Variants in INO80 observed in about 807,000 individuals in gnomAD.
INO80 encodes the protein INO80 complex ATPase subunit, also known as chromatin-remodeling ATPase INO80.
In INO80, 20 loss-of-function variants were observed where a neutral mutation model predicts 203.4. That is an observed-to-expected ratio of 0.10 (90% confidence interval 0.07 to 0.14). INO80 has a LOEUF of 0.14. Ranked by LOEUF, INO80 falls within the 10% of genes least tolerant of loss-of-function variation. INO80 has a pLI of 1.00. For synonymous variants in INO80, 726 were observed against 685.2 expected, an observed-to-expected ratio of 1.06 and a Z score of -0.93; for missense variants, 1,419 against 1,914.4, an observed-to-expected ratio of 0.74 and a Z score of 4.83.
intron 1 of INO80, among the ~76,000 whole-genome samples, chr15:41,098,819 A>G (rs961811155): frequency 6.6e-6 from 1 of 152,186 alleles, no homozygotes; most frequent in Non-Finnish European, 1.5e-5. Flanking sequence ...AAATAACCCA[A>G]TTTAAAAATG....
chr15:41,052,857 C>A (rs1019168905), intron 19 of INO80, among the ~76,000 whole-genome samples: 895 of 92,942 alleles, frequency 9.6e-3, no homozygotes, highest in East Asian at 0.011. Flanking sequence ...CTGGTCGCTA[C>A]AAAAAAAAAA....
At chr15:41,056,540 G>A (rs535601452) in intron 17 of INO80, 82 bp downstream of exon 17, 2 of 1,104,740 alleles carry the variant, frequency 1.8e-6, no homozygotes, top group East Asian at 2.4e-5. Flanking sequence ...GCACTGCAAG[G>A]GAATGGGTAA....
At chr15:41,089,556 G>A (rs766435074) in intron 5 of INO80, among the ~76,000 whole-genome samples, 2 of 151,934 alleles carry the variant, frequency 1.3e-5, no homozygotes, top group African/African-American at 4.8e-5. Context: ...CAAGCCTGAC[G>A]AACATTGAAA....
At chr15:41,045,405 A>G (rs1406630607) in intron 23 of INO80, among the ~76,000 whole-genome samples, 1 of 152,000 alleles carries the variant, frequency 6.6e-6, no homozygotes, top group Non-Finnish European at 1.5e-5. Context: ...GCTGACCTAG[A>G]TGGCAAAATA....
chr15:41,094,859 C>T (rs774833818), intron 4 of INO80, among the ~76,000 whole-genome samples: 19 of 152,056 alleles, frequency 1.2e-4, no homozygotes, highest in Admixed American at 3.3e-4. Context: ...TGACCTCACG[C>T]GACAGGTCAC....
intron 26 of INO80, chr15:41,018,442 A>G (rs1360814986): frequency 2.0e-5 from 3 of 152,224 alleles, no homozygotes; most frequent in Non-Finnish European, 4.4e-5. Context: ...GAACTCTAAC[A>G]TGACTAAAGG....
intron 7 of INO80, among the ~76,000 whole-genome samples, chr15:41,085,025 C>A (rs146209791): frequency 3.7e-4 from 57 of 152,374 alleles, no homozygotes; most frequent in African/African-American, 1.4e-3. Context: ...GTGTGACCTG[C>A]CATGCCTGGC....
chr15:41,097,393 C>A (rs979439334), intron 1 of INO80, among the ~76,000 whole-genome samples: 12 of 152,256 alleles, frequency 7.9e-5, no homozygotes, highest in South Asian at 4.1e-4. Context: ...ACCTGGTTAT[C>A]TCTAAATACT....
intron 1 of INO80, chr15:41,109,237 T>G (rs1436267281): frequency 1.3e-5 from 2 of 151,690 alleles, no homozygotes; most frequent in Non-Finnish European, 2.9e-5. Flanking sequence ...GCGGATCACT[T>G]GAGGTCAAGA....
intron 26 of INO80, chr15:41,018,347 T>A (rs905465102): frequency 2.6e-5 from 4 of 152,238 alleles, no homozygotes; most frequent in African/African-American, 9.6e-5. Flanking sequence ...GCCTCCCACA[T>A]CTACTTTACT....
Position 41,080,880 on chromosome 15 carries a change from G to C in INO80, c.927+140C>G, listed in dbSNP as rs999444972. 1.2e-5 allele frequency: 8 copies of C among 661,202 alleles called. No homozygotes were observed. In the Admixed American group the frequency reaches 1.3e-4, roughly 11 times the overall value. The allele number at this position is 661,202 out of a possible 1,614,324, so 41.0% of individuals were successfully genotyped here. A position where few individuals can be genotyped will look rare whatever the true frequency, so the allele number is the denominator to read the frequency against. On this transcript the variant is annotated intron_variant, in intron 8 of 35. Coordinates refer to ENST00000648947, the MANE Select transcript of INO80 (RefSeq NM_017553.3). ...TAAAAATAAAAAATAAACAGCTTGA[G>C]AACATTCAGAAACTCTCTTACGAAC...
chr15:41,066,814 G>A (rs190928269), intron 14 of INO80, among the ~76,000 whole-genome samples: 14 of 100,864 alleles, frequency 1.4e-4, no homozygotes, highest in African/African-American at 5.1e-4. Context: ...GGAGACAGAA[G>A]GAGAAAATGT....
chr15:41,113,711 C>T (rs191435835), intron 1 of INO80, among the ~76,000 whole-genome samples: 2 of 152,186 alleles, frequency 1.3e-5, no homozygotes, highest in Non-Finnish European at 2.9e-5. Context: ...GATCCTCTTG[C>T]CTCCTGAGTA....
At chr15:40,997,981 T>TATAAC (rs2043902200) in intron 28 of INO80, among the ~76,000 whole-genome samples, 1 of 149,802 alleles carries the variant, frequency 6.7e-6, no homozygotes. Flanking sequence ...TGACTTATAA[T>TATAAC]AGTCTGGGGA....
intron 1 of INO80, among the ~76,000 whole-genome samples, chr15:41,114,810 CAT>C (rs1268125533): frequency 3.3e-5 from 5 of 151,294 alleles, no homozygotes; most frequent in South Asian, 2.1e-4. Context: ...AAGAAAGATA[CAT>C]ATGTTTCTTT....
chr15:41,039,190 C>T (rs1417089805), intron 24 of INO80, among the ~76,000 whole-genome samples: 1 of 152,224 alleles, frequency 6.6e-6, no homozygotes, highest in African/African-American at 2.4e-5. Flanking sequence ...GTTGCCCAGG[C>T]TGGTCTTGCC....
chr15:41,116,039 A>G lies in INO80; in HGVS notation c.-110T>C. 2.6e-6 allele frequency: 1 copy of G among 390,480 alleles called. No individual in the cohort carries two copies. The highest frequency in any genetic ancestry group is 4.5e-6 in the Non-Finnish European group (1 of 221,692). 24.2% of individuals were successfully genotyped at this position (390,480 alleles called of 1,614,324 possible). On this transcript the variant is annotated 5_prime_UTR_variant, in exon 1 of 36. Coordinates refer to ENST00000648947, the MANE Select transcript of INO80 (RefSeq NM_017553.3). ...GGGGCGGGGTGCGGGCGGGGTCCGG[A>G]GGGGGGGGTCGCCCCGCCGACGGTG...
chr15:41,073,504 C>A lies in INO80; in HGVS notation c.1328-9G>T. The A allele has an allele frequency of 6.2e-7, 1 of 1,609,056 alleles. No homozygotes were observed. Among genetic ancestry groups the A allele is most frequent in the Non-Finnish European group, 8.5e-7 (1 of 1,175,410 alleles). ...TTTAAAATGGTTACTATCTGAAAAGCAAAATTTATGGATTATCACACTTTA... is the reference window on the plus strand; with the variant it reads ...TTTAAAATGGTTACTATCTGAAAAGAAAAATTTATGGATTATCACACTTTA... On this transcript the variant is annotated splice_polypyrimidine_tract_variant and intron_variant, in intron 10 of 35. Transcript: ENST00000648947.
rs183130540 is a variant in INO80, at chr15:41,102,106, G to C, written c.-43-5753C>G. Among the ~76,000 whole-genome samples, 6 of 152,074 alleles carry C rather than the reference G, an allele frequency of 3.9e-5. No individual in the cohort carries two copies. In the East Asian group the frequency reaches 1.2e-3, roughly 30 times the overall value. ...CTCAGGAGGCTGAGGCAGGAGAATC[G>C]CTTGAACCTGGGAGGTGGAGGTTGC... On this transcript the variant is annotated intron_variant, in intron 1 of 35. Transcript: ENST00000648947.
Sources: gnomAD v4.1 joint callset for allele counts (sites outside exome capture counted in the v4.1 genomes callset) on GRCh38, gnomAD v4.1.1 for gene constraint, MANE v1.5 for transcripts, NCBI Gene and HGNC (gene_info 2026-07-23, HGNC 2026-07-21) for gene names.